Variants in POU3F3 observed in about 807,000 individuals in gnomAD.
POU3F3 encodes POU domain, class 3, transcription factor 3.
POU3F3 carries 1 observed loss-of-function variant against 8.6 expected under a neutral mutation model. The observed-to-expected ratio is 0.12, with a 90% CI of 0.04 to 0.55. POU3F3 has a LOEUF of 0.55. Among genes scored for constraint, POU3F3 ranks in the 20% least tolerant of loss-of-function variants. The pLI, the probability that POU3F3 is intolerant of heterozygous loss-of-function variation, is 0.91. For synonymous variants in POU3F3, 418 were observed against 327.4 expected, an observed-to-expected ratio of 1.28 and a Z score of -2.99; for missense variants, 577 against 690.7, an observed-to-expected ratio of 0.84 and a Z score of 1.84.
At chr2:104,894,761 G>A in the POU3F3 span, among the ~76,000 whole-genome samples, 6 of 152,274 alleles carry the variant, frequency 3.9e-5, no homozygotes, top group South Asian at 8.3e-4. Context: ...CATTATAAAC[G>A]ACCCTACAAT....
At chr2:104,868,399 A>C in the POU3F3 span, 14 of 456,556 alleles carry the variant, frequency 3.1e-5, no homozygotes, top group Admixed American at 3.1e-4. Context: ...AACTCTGGGA[A>C]AGGGGTAGGC....
the POU3F3 span, among the ~76,000 whole-genome samples, chr2:104,882,791 T>C: frequency 2.0e-5 from 3 of 152,356 alleles, no homozygotes; most frequent in South Asian, 6.2e-4. Flanking sequence ...TTTCGAGAGT[T>C]ATGTACACCT....
At chr2:104,864,113 C>A in the POU3F3 span, among the ~76,000 whole-genome samples, 2 of 152,198 alleles carry the variant, frequency 1.3e-5, no homozygotes, top group Admixed American at 6.5e-5. Context: ...CCCCAGGCCC[C>A]GTCTCCGCCC....
chr2:104,925,568 G>A, the POU3F3 span, among the ~76,000 whole-genome samples: 1 of 152,164 alleles, frequency 6.6e-6, no homozygotes, highest in Non-Finnish European at 1.5e-5. Flanking sequence ...CTACAACTGT[G>A]AGCCATGCAG....
chr2:104,921,101 C>T, the POU3F3 span, among the ~76,000 whole-genome samples: 395 of 152,264 alleles, frequency 2.6e-3, 1 homozygote, highest in African/African-American at 9.0e-3. Context: ...GAGATAGGGG[C>T]TCAGCTTGAG....
At position 104,857,078 on chromosome 2, in the gene POU3F3, C is replaced by G; in HGVS notation, c.*65C>G. On this transcript the variant is annotated 3_prime_UTR_variant, in exon 1 of 1. Transcript: ENST00000361360. ...CCTCCGCAGCCGCCGTCAGCACCGCCGCCGCCCCTGCCGCCGCCGCCGCCG... is the reference window on the plus strand; with the variant it reads ...CCTCCGCAGCCGCCGTCAGCACCGCGGCCGCCCCTGCCGCCGCCGCCGCCG... The G allele has an allele frequency of 9.0e-7, 1 of 1,115,324 alleles. No individual in the cohort carries two copies. Among genetic ancestry groups the G allele is most frequent in the Non-Finnish European group, 1.1e-6 (1 of 914,620 alleles). The allele number at this position is 1,115,324 out of a possible 1,614,324, so 69.1% of individuals were successfully genotyped here.
chr2:104,866,543 AAGTGCTGGCTGAGTTGGGGCAAAATG>A, the POU3F3 span: 1 of 152,146 alleles, frequency 6.6e-6, no homozygotes, highest in African/African-American at 2.4e-5. Context: ...CCAGAAAACC[AAGTGCTGGCTGAGTTGGGGCAAAATG>A]GTAACTTGAG....
the POU3F3 span, among the ~76,000 whole-genome samples, chr2:104,910,432 C>A: frequency 3.7e-3 from 563 of 152,206 alleles, 2 homozygotes; most frequent in African/African-American, 0.013. Context: ...ACTCAATGGG[C>A]CCTTGCATTC....
chr2:104,878,497 G>A, the POU3F3 span, among the ~76,000 whole-genome samples: 1 of 152,182 alleles, frequency 6.6e-6, no homozygotes, highest in African/African-American at 2.4e-5. Flanking sequence ...CTCAATGGAA[G>A]CTTGGTGCTT....
At chr2:104,874,223 T>C in the POU3F3 span, among the ~76,000 whole-genome samples, 2 of 152,096 alleles carry the variant, frequency 1.3e-5, no homozygotes, top group Non-Finnish European at 2.9e-5. Flanking sequence ...TGGGAGCTGC[T>C]GTTTGGAGGA....
the POU3F3 span, among the ~76,000 whole-genome samples, chr2:104,870,372 T>C: frequency 6.6e-6 from 1 of 152,184 alleles, no homozygotes; most frequent in East Asian, 1.9e-4. Flanking sequence ...GTATCAAAAC[T>C]TTTCGCTGCT....
At chr2:104,906,319 C>T in the POU3F3 span, among the ~76,000 whole-genome samples, 104,304 of 152,062 alleles carry the variant, frequency 0.69, 36,311 homozygotes, top group East Asian at 0.87. Context: ...TTTTATAATA[C>T]AGACAATGGA....
At chr2:104,921,148 T>C in the POU3F3 span, among the ~76,000 whole-genome samples, 4 of 152,060 alleles carry the variant, frequency 2.6e-5, no homozygotes, top group African/African-American at 9.7e-5. Flanking sequence ...GACCACACAA[T>C]GGGAGCAACC....
chr2:104,918,137 C>G, the POU3F3 span, among the ~76,000 whole-genome samples: 2 of 152,200 alleles, frequency 1.3e-5, no homozygotes, highest in Non-Finnish European at 1.5e-5. Context: ...GGAACACACT[C>G]ACTGACTTCC....
chr2:104,906,438 C>T, the POU3F3 span, among the ~76,000 whole-genome samples: 1 of 152,122 alleles, frequency 6.6e-6, no homozygotes, highest in Non-Finnish European at 1.5e-5. Flanking sequence ...CTTTCTGTTG[C>T]GTTTTAGTGT....
chr2:104,902,874 G>A, the POU3F3 span, among the ~76,000 whole-genome samples: 3 of 152,164 alleles, frequency 2.0e-5, no homozygotes, highest in Non-Finnish European at 2.9e-5. Flanking sequence ...ACAGGGCAAT[G>A]TTAAGGGTAT....
chr2:104,900,286 CACTT>C, the POU3F3 span, among the ~76,000 whole-genome samples: 3 of 152,304 alleles, frequency 2.0e-5, no homozygotes, highest in Admixed American at 1.3e-4. Flanking sequence ...TAACAACTGA[CACTT>C]ACACATCAAG....
chr2:104,869,323 G>C, the POU3F3 span, among the ~76,000 whole-genome samples: 1 of 152,376 alleles, frequency 6.6e-6, no homozygotes, highest in East Asian at 1.9e-4. Context: ...TGCCCTAGGA[G>C]GGGATAGGTT....
At chr2:104,881,130 C>A in the POU3F3 span, among the ~76,000 whole-genome samples, 1 of 149,270 alleles carries the variant, frequency 6.7e-6, no homozygotes, top group Non-Finnish European at 1.5e-5. Context: ...TACTTTCTTT[C>A]TTTCTTTCTT....
Sources: gnomAD v4.1 joint callset for allele counts (sites outside exome capture counted in the v4.1 genomes callset) on GRCh38, gnomAD v4.1.1 for gene constraint, MANE v1.5 for transcripts, NCBI Gene and HGNC (gene_info 2026-07-23, HGNC 2026-07-21) for gene names.